The following SOS2 variants were observed in gnomAD, a reference collection of about 807,000 sequenced individuals.
SOS2 encodes the protein son of sevenless homolog 2.
Under a neutral mutation model 148.2 loss-of-function variants are expected in SOS2, and 65 were observed. The ratio of observed to expected loss-of-function variants is 0.44; its 90% CI spans 0.36 to 0.54. The LOEUF is 0.54. SOS2 is among the 20% of genes least tolerant of loss of function. The pLI is 0.00. For missense variants in SOS2, 1,341 were observed against 1,590.2 expected (o/e 0.84, Z 2.67); for synonymous variants, 539 against 537.1 (o/e 1.00, Z -0.05).
intron 13 of SOS2, 91 bp downstream of exon 13, chr14:50,152,974 AAAGAG>A (rs1448815627): frequency 1.4e-5 from 9 of 643,066 alleles, no homozygotes; most frequent in Middle Eastern, 4.7e-4. Flanking sequence ...CAAAAAAAAA[AAAGAG>A]AGAGAAATGT....
rs762907978 is a variant in SOS2, at chr14:50,134,242, G to A, written c.2959-3C>T. On this transcript the variant is annotated splice_polypyrimidine_tract_variant and splice_region_variant and intron_variant, in intron 18 of 22. Coordinates refer to ENST00000216373, the MANE Select transcript of SOS2 (RefSeq NM_006939.4). Reference sequence around the variant, plus strand: ...GGGTTAAGGTTTTCAAAGAATCTCTGGAATTAAACAAATAACACAAGTGCA... The same window carrying A: ...GGGTTAAGGTTTTCAAAGAATCTCTAGAATTAAACAAATAACACAAGTGCA... 1.5e-6 allele frequency: 2 copies of A among 1,342,518 alleles called. No homozygotes were observed. Among genetic ancestry groups the A allele is most frequent in the Non-Finnish European group, 2.1e-6 (2 of 943,742 alleles). The allele number at this position is 1,342,518 out of a possible 1,614,324, so 83.2% of individuals were successfully genotyped here. A position where few individuals can be genotyped will look rare whatever the true frequency, so the allele number is the denominator to read the frequency against.
In SOS2 at chr14:50,231,310, G is replaced by A. The variant is rs771894473; in HGVS notation, c.-27C>T. On this transcript the variant is annotated 5_prime_UTR_variant, in exon 1 of 23. Coordinates refer to ENST00000216373, the MANE Select transcript of SOS2 (RefSeq NM_006939.4). ...GCCCCGGCGACAGCGCCTCCGCATC[G>A]GGGGCAGCCCGCGGGCCGGGCCGGT... The A allele has an allele frequency of 8.2e-6, 11 of 1,341,638 alleles. No homozygotes were observed. The East Asian group carries it at 8.9e-5, about 11-fold the overall frequency. The allele number at this position is 1,341,638 out of a possible 1,614,324, so 83.1% of individuals were successfully genotyped here. A position where few individuals can be genotyped will look rare whatever the true frequency, so the allele number is the denominator to read the frequency against.
chr14:50,202,799 A>G (rs931509454), intron 2 of SOS2, among the ~76,000 whole-genome samples: 2 of 152,074 alleles, frequency 1.3e-5, no homozygotes, highest in African/African-American at 4.8e-5. Flanking sequence ...AAATGCTTTA[A>G]TTCCAAGAAT....
At chr14:50,171,334 A>G (rs1422612547) in intron 8 of SOS2, among the ~76,000 whole-genome samples, 1 of 152,078 alleles carries the variant, frequency 6.6e-6, no homozygotes, top group Non-Finnish European at 1.5e-5. Flanking sequence ...TCTCAAAGAC[A>G]TATTTGTACA....
intron 1 of SOS2, among the ~76,000 whole-genome samples, chr14:50,213,117 G>A (rs1886932531): frequency 6.6e-6 from 1 of 152,142 alleles, no homozygotes; most frequent in South Asian, 2.1e-4. Context: ...TCAAAGGAAT[G>A]CCCAGGATAA....
At chr14:50,208,567 G>T (rs995700566) in intron 1 of SOS2, among the ~76,000 whole-genome samples, 3 of 152,002 alleles carry the variant, frequency 2.0e-5, no homozygotes, top group African/African-American at 7.3e-5. Flanking sequence ...AGAATCGCTT[G>T]AACTGGGAAG....
At chr14:50,137,991 C>CA (rs543698596) in intron 18 of SOS2, among the ~76,000 whole-genome samples, 14 of 152,058 alleles carry the variant, frequency 9.2e-5, no homozygotes, top group Non-Finnish European at 1.8e-4. Context: ...AGGCACCCGC[C>CA]ACCATGCCCG....
intron 4 of SOS2, among the ~76,000 whole-genome samples, chr14:50,197,607 C>T (rs1382806414): frequency 1.3e-5 from 2 of 151,784 alleles, no homozygotes; most frequent in Admixed American, 1.3e-4. Context: ...TCTAACATCT[C>T]TCTCCCCAAC....
At chr14:50,225,175 G>C (rs1387980438) in intron 1 of SOS2, among the ~76,000 whole-genome samples, 1 of 152,076 alleles carries the variant, frequency 6.6e-6, no homozygotes, top group Non-Finnish European at 1.5e-5. Context: ...GGTTGGTCTT[G>C]AACTCCTGGC....
chr14:50,153,429 C>T (rs971967638), intron 12 of SOS2, among the ~76,000 whole-genome samples: 1 of 152,080 alleles, frequency 6.6e-6, no homozygotes, highest in Non-Finnish European at 1.5e-5. Context: ...TTCTGTGCTT[C>T]CCATTTATGT....
intron 21 of SOS2, among the ~76,000 whole-genome samples, chr14:50,129,468 T>C (rs1883796097): frequency 6.6e-6 from 1 of 152,240 alleles, no homozygotes; most frequent in Admixed American, 6.5e-5. Flanking sequence ...CACCACAACC[T>C]CTGCTTCCTG....
chr14:50,121,496 C>G (rs890363331), intron 21 of SOS2, among the ~76,000 whole-genome samples: 5 of 136,920 alleles, frequency 3.7e-5, no homozygotes, highest in Non-Finnish European at 4.5e-5. Context: ...AAATTGCTAT[C>G]CCGATCATGT....
chr14:50,138,549 A>ATT (rs35961944), intron 18 of SOS2, 63 bp downstream of exon 18: 18,367 of 592,064 alleles, frequency 0.031, 29 homozygotes, highest in Middle Eastern at 0.044. Flanking sequence ...TATTCATTCT[A>ATT]TTTTTTTTTT....
chr14:50,220,405 C>CGAAAAAAAAAAAAAA lies in SOS2; in HGVS notation c.87+10791_87+10792insTTTTTTTTTTTTTTC, dbSNP rs779813155. On this transcript the variant is annotated intron_variant, in intron 1 of 22. Transcript: ENST00000216373. ...TGGGCGACAGAGCGAGACTCCATCTCAAAAAAAAAAAAAAAAAGAACAGAC... is the reference window on the plus strand; with the variant it reads ...TGGGCGACAGAGCGAGACTCCATCTCGAAAAAAAAAAAAAAAAAAAAAAAAAAAAAAAGAACAGAC... 3.9e-3 allele frequency among the ~76,000 whole-genome samples: 118 copies of CGAAAAAAAAAAAAAA among 30,450 alleles called. 5 individuals carry two copies. The highest frequency in any genetic ancestry group is 0.017 in the African/African-American group (116 of 6,926). 20.0% of individuals were successfully genotyped at this position (30,450 alleles called of 152,430 possible).
In SOS2 at chr14:50,118,728, C is replaced by T. The variant is rs750601074; in HGVS notation, c.3615G>A (p.Pro1205=). The stretch of plus-strand genomic sequence containing the variant: ...CAGGAAGAGGATCTCTTGGTGGTGG[C>T]GGAGGTGGACTATGCAGAGGCCCAT... ...AFDGPLHSPP[P]PPPRDPLPDT... Residue 1205 remains proline, a synonymous_variant, in exon 23 of 23, where the codon CCG becomes CCA. Coordinates refer to ENST00000216373, the MANE Select transcript of SOS2 (RefSeq NM_006939.4). 4.3e-6 allele frequency: 7 copies of T among 1,610,418 alleles called. No homozygotes were observed. Among genetic ancestry groups the T allele is most frequent in the South Asian group, 2.2e-5 (2 of 90,950 alleles).
intron 12 of SOS2, among the ~76,000 whole-genome samples, chr14:50,154,933 T>C (rs146679111): frequency 1.4e-4 from 22 of 152,296 alleles, no homozygotes; most frequent in African/African-American, 5.1e-4. Context: ...ATCTTCTGTC[T>C]TCAGTGGCAG....
chr14:50,198,461 A>G (rs1886384441), intron 4 of SOS2, among the ~76,000 whole-genome samples: 1 of 152,234 alleles, frequency 6.6e-6, no homozygotes, highest in Non-Finnish European at 1.5e-5. Flanking sequence ...GCATCGTACA[A>G]TCGGTCTCAG....
At chr14:50,189,164 T>C (rs1886032045) in intron 4 of SOS2, among the ~76,000 whole-genome samples, 1 of 147,544 alleles carries the variant, frequency 6.8e-6, no homozygotes, top group African/African-American at 2.5e-5. Context: ...TGATAAAACC[T>C]AGAATAAAAG....
At chr14:50,190,437 T>C (rs1232032851) in intron 4 of SOS2, among the ~76,000 whole-genome samples, 1 of 152,188 alleles carries the variant, frequency 6.6e-6, no homozygotes, top group Non-Finnish European at 1.5e-5. Context: ...AACTCTGCCT[T>C]CCTAATCTTT....
Sources: gnomAD v4.1 joint callset for allele counts (sites outside exome capture counted in the v4.1 genomes callset) on GRCh38, gnomAD v4.1.1 for gene constraint, MANE v1.5 for transcripts, NCBI Gene and HGNC (gene_info 2026-07-23, HGNC 2026-07-21) for gene names.